The following MEP1B variants were observed in gnomAD, a reference collection of about 807,000 sequenced individuals.
MEP1B encodes the protein meprin A subunit beta, also known as N-benzoyl-L-tyrosyl-P-amino-benzoic acid hydrolase subunit beta.
In MEP1B, 80 loss-of-function variants were observed where a neutral mutation model predicts 84.6. The ratio of observed to expected loss-of-function variants is 0.95; its 90% CI spans 0.79 to 1.14. The LOEUF is 1.14. Among genes scored for constraint, MEP1B ranks in the 50% most tolerant of loss-of-function variants. The pLI is 0.00. For missense variants in MEP1B, 766 were observed against 855.1 expected (o/e 0.90, Z 1.30); for synonymous variants, 273 against 288.1 (o/e 0.95, Z 0.53).
chr18:32,196,943 C>A lies in MEP1B; in HGVS notation c.250+1458C>A. 1 of 316,590 alleles carries A rather than the reference C, an allele frequency of 3.2e-6. No individual in the cohort carries two copies. The highest frequency in any genetic ancestry group is 7.6e-5 in the East Asian group (1 of 13,104). The allele number at this position is 316,590 out of a possible 1,614,324, so 19.6% of individuals were successfully genotyped here. On this transcript the variant is annotated intron_variant, in intron 5 of 14. Transcript: ENST00000269202. The surrounding 1 kb of genome is among the most constrained non-coding windows in gnomAD (Gnocchi z 4.4). Reference sequence around the variant, plus strand: ...CTCCCTACACTTGGTTAAACAGGTGCAGGGCCTGATTGATGGGCTCACAGG... The same window carrying A: ...CTCCCTACACTTGGTTAAACAGGTGAAGGGCCTGATTGATGGGCTCACAGG...
At chr18:32,201,776 T>C (rs2040915382) in intron 5 of MEP1B, among the ~76,000 whole-genome samples, 1 of 152,216 alleles carries the variant, frequency 6.6e-6, no homozygotes, top group Non-Finnish European at 1.5e-5. Context: ...TGTAAAAGTC[T>C]GAACTTAGTG....
chr18:32,217,815 C>T lies in MEP1B; in HGVS notation c.1941C>T (p.Gly647=). The change falls in exon 14 of 15, where the codon GGC becomes GGT. Residue 647 remains glycine, a synonymous_variant. Coordinates refer to ENST00000269202, the MANE Select transcript of MEP1B (RefSeq NM_005925.3). ...TGGGAGAAAGGTGTGAAAAGAGAGG[C>T]TCCACCCGAGACACCATAGTCATTG... ...WYMGERCEKR[G]STRDTIVIAV... is the part of the protein sequence containing the mutation. 6.2e-7 allele frequency: 1 copy of T among 1,613,868 alleles called. No individual in the cohort carries two copies. The highest frequency in any genetic ancestry group is 2.2e-5 in the East Asian group (1 of 44,858).
intron 1 of MEP1B, 141 bp downstream of exon 1, chr18:32,190,274 TA>T (rs2040789515): frequency 3.0e-6 from 2 of 663,330 alleles, no homozygotes; most frequent in Non-Finnish European, 5.2e-6. Flanking sequence ...TCTTGGAGAT[TA>T]GGGGTGGGCA....
Position 32,213,349 on chromosome 18 carries a change from A to G in MEP1B, c.1369A>G (p.Lys457Glu), listed in dbSNP as rs761413897. 1.2e-6 allele frequency: 2 copies of G among 1,613,848 alleles called. No homozygotes were observed. The highest frequency in any genetic ancestry group is 1.7e-6 in the Non-Finnish European group (2 of 1,179,810). Residue 457 changes from lysine (K) to glutamate (E), a missense_variant, in exon 11 of 15, where the codon AAA becomes GAA. By Grantham distance (56) the Lys-to-Glu change is moderately conservative. Transcript: ENST00000269202. ...TLYSPPFYSSKGYAFQIYLNL... is the reference protein window; with the variant it reads ...TLYSPPFYSSEGYAFQIYLNL... Reference sequence around the variant, plus strand: ...GTATAGCCCTCCATTTTACTCTTCTAAAGGTTATGCCTTTCAGATTTACTT... The same window carrying G: ...GTATAGCCCTCCATTTTACTCTTCTGAAGGTTATGCCTTTCAGATTTACTT...
Position 32,210,696 on chromosome 18 carries a change from C to A in MEP1B, c.1115C>A (p.Thr372Asn), listed in dbSNP as rs762692382. Residue 372 changes from threonine to asparagine, a missense_variant, in exon 10 of 15, where the codon ACC becomes AAC. Coordinates refer to ENST00000269202, the MANE Select transcript of MEP1B (RefSeq NM_005925.3). ...YSADNVDGNLTLVEEIKEIPT... is the reference protein window; with the variant it reads ...YSADNVDGNLNLVEEIKEIPT... ...GCAGACAATGTGGATGGCAATTTAA[C>A]CCTTGTGGAAGAAATAAAAGGTACA... The A allele has an allele frequency of 2.5e-6, 4 of 1,613,146 alleles. No homozygotes were observed. Among genetic ancestry groups the A allele is most frequent in the Non-Finnish European group, 3.4e-6 (4 of 1,179,468 alleles).
At position 32,202,929 on chromosome 18, in the gene MEP1B, A is replaced by T; in HGVS notation, c.287A>T (p.Glu96Val). 1 of 1,612,540 alleles carries T rather than the reference A, an allele frequency of 6.2e-7. No individual in the cohort carries two copies. The highest frequency in any genetic ancestry group is 1.1e-5 in the South Asian group (1 of 90,660). The change falls in exon 6 of 15, where the codon GAA (glutamate) becomes GTA (valine). Residue 96 changes from glutamate to valine, a missense_variant. By Grantham distance (121) the Glu-to-Val change is moderately radical (BLOSUM62 -2). Transcript: ENST00000269202. ...AAGGGAGTTATCCTCAATGCATTTG[A>T]ACGTTATCGCCTTAAAACATGTATT... The part of the protein sequence containing the change: ...NAKGVILNAF[E>V]RYRLKTCIDF...
At chr18:32,218,066 C>T (rs1598899379) in intron 14 of MEP1B, 101 bp downstream of exon 14, 1 of 999,942 alleles carries the variant, frequency 1.0e-6, no homozygotes, top group Non-Finnish European at 1.5e-6. Context: ...GCCTTCTTCT[C>T]TCTGTTTCCT....
intron 7 of MEP1B, among the ~76,000 whole-genome samples, 175 bp downstream of exon 7, chr18:32,204,535 A>G (rs1208423971): frequency 6.6e-6 from 1 of 152,164 alleles, no homozygotes; most frequent in Non-Finnish European, 1.5e-5. Flanking sequence ...TCCAGAACCC[A>G]TATGAGCTAG....
intron 14 of MEP1B, among the ~76,000 whole-genome samples, chr18:32,218,196 G>A (rs184536832): frequency 6.6e-6 from 1 of 152,312 alleles, no homozygotes; most frequent in Admixed American, 6.5e-5. Flanking sequence ...ACAACATTGT[G>A]TACAGTTGTG....
chr18:32,194,813 A>G lies in MEP1B; in HGVS notation c.172-594A>G, dbSNP rs114475672. ...TTCTAATTTCCTCCCTATTGCATTC[A>G]TCCTGCTTAAACATTTTTTTTTTTA... is the stretch of plus-strand genomic sequence containing the variant. On this transcript the variant is annotated intron_variant, in intron 4 of 14. Coordinates refer to ENST00000269202, the MANE Select transcript of MEP1B (RefSeq NM_005925.3). 1.7e-3 allele frequency among the ~76,000 whole-genome samples: 252 copies of G among 150,450 alleles called. 2 individuals are homozygous for G. The highest frequency in any genetic ancestry group is 5.3e-3 in the African/African-American group (217 of 41,050).
intron 12 of MEP1B, among the ~76,000 whole-genome samples, chr18:32,215,969 CATATATATATATATATATATATATAT>C (rs10522884): frequency 0.099 from 13,389 of 134,920 alleles, 1,315 homozygotes; most frequent in African/African-American, 0.25. Flanking sequence ...TACATATATG[CATATATATATATATATATATATATAT>C]ATATATATAT....
In MEP1B at chr18:32,217,878, G is replaced by C. The variant is rs769813556; in HGVS notation, c.2004G>C (p.Leu668=). 1 of 1,613,910 alleles carries C rather than the reference G, an allele frequency of 6.2e-7. No individual in the cohort carries two copies. The highest frequency in any genetic ancestry group is 8.5e-7 in the Non-Finnish European group (1 of 1,179,886). The change falls in exon 14 of 15, where the codon CTG becomes CTC. Residue 668 remains leucine, a synonymous_variant. Transcript: ENST00000269202. ...SSTVAVFALM[L]IITLVSVYCT... The stretch of plus-strand genomic sequence containing the variant: ...CTGTTGCTGTGTTTGCCTTGATGCT[G>C]ATCATCACCCTTGTCAGTGTCTATT...
In MEP1B at chr18:32,208,057, G is replaced by A. The variant is rs1435584632; in HGVS notation, c.767-62G>A. ...CATTTCTAATACTGTGATAAGTTCA[G>A]TTTTTGTTACTTAGATTATCATGTT... is the stretch of plus-strand genomic sequence containing the variant. On this transcript the variant is annotated intron_variant, in intron 8 of 14. Transcript: ENST00000269202. 6 of 1,565,464 alleles carry A rather than the reference G, an allele frequency of 3.8e-6. No individual in the cohort carries two copies. The Admixed American group carries it at 8.5e-5, about 22-fold the overall frequency.
intron 13 of MEP1B, 32 bp from the exon 14 acceptor site, chr18:32,217,725 CAACT>C (rs751253504): frequency 3.3e-6 from 5 of 1,535,870 alleles, no homozygotes; most frequent in Non-Finnish European, 4.5e-6. Flanking sequence ...AGTTAGATAT[CAACT>C]AATAACTCTG....
At chr18:32,209,083 G>T (rs1236439116) in intron 9 of MEP1B, among the ~76,000 whole-genome samples, 1 of 152,166 alleles carries the variant, frequency 6.6e-6, no homozygotes, top group Non-Finnish European at 1.5e-5. Flanking sequence ...GTAAGGGAAA[G>T]GTTCCCTAAT....
chr18:32,210,469 G>C, intron 9 of MEP1B, 32 bp from the exon 10 acceptor site: 1 of 1,587,582 alleles, frequency 6.3e-7, no homozygotes, highest in Admixed American at 1.7e-5. Flanking sequence ...CCCAGTATCT[G>C]TTTTTCTCTC....
chr18:32,215,716 C>T (rs565400849), intron 12 of MEP1B, among the ~76,000 whole-genome samples: 109 of 152,060 alleles, frequency 7.2e-4, no homozygotes, highest in African/African-American at 2.3e-3. Context: ...CCCAGCTACT[C>T]GGGAGGCTGA....
At chr18:32,208,524 G>A (rs923668312) in intron 9 of MEP1B, among the ~76,000 whole-genome samples, 2 of 152,168 alleles carry the variant, frequency 1.3e-5, no homozygotes, top group African/African-American at 2.4e-5. Context: ...GTTCCCATAG[G>A]AGAGTGTACC....
Position 32,220,289 on chromosome 18 carries a change from T to C in MEP1B, c.*44T>C. On this transcript the variant is annotated 3_prime_UTR_variant, in exon 15 of 15. Transcript: ENST00000269202. ...GGCCAGCTAATGAAATTAAAAAGGA[T>C]TCTTCATCATGGATTTCGCCTAAGT... 1 of 1,585,536 alleles carries C rather than the reference T, an allele frequency of 6.3e-7. No individual in the cohort carries two copies. The highest frequency in any genetic ancestry group is 8.6e-7 in the Non-Finnish European group (1 of 1,160,010).
Sources: allele counts gnomAD v4.1 joint callset (sites outside exome capture counted in the v4.1 genomes callset), GRCh38; gene constraint gnomAD v4.1.1; non-coding constraint Gnocchi (gnomAD v3.1); transcripts MANE v1.5; gene names NCBI Gene and HGNC (gene_info 2026-07-23, HGNC 2026-07-21).